The following PTPRK variants were observed in gnomAD, a reference collection of about 807,000 sequenced individuals.
PTPRK encodes receptor-type tyrosine-protein phosphatase kappa.
A neutral mutation model predicts 178.0 loss-of-function variants in PTPRK; 75 were observed. The observed-to-expected ratio is 0.42, with a 90% CI of 0.35 to 0.51. The LOEUF (loss-of-function observed/expected upper bound fraction) is 0.51. Among genes scored for constraint, PTPRK ranks in the 20% least tolerant of loss-of-function variants. The probability of loss-of-function intolerance (pLI) is 0.02; values close to 1 mark genes in which losing one functional copy is unlikely to be tolerated. For synonymous variants in PTPRK, 637 were observed against 620.6 expected, an observed-to-expected ratio of 1.03 and a Z score of -0.39; for missense variants, 1,441 against 1,797.8, an observed-to-expected ratio of 0.80 and a Z score of 3.59.
Position 128,079,734 on chromosome 6 carries a change from G to A in PTPRK, c.1778-816C>T, listed in dbSNP as rs150501029. ...GAAATGCTATGAATATAAAGACAAAGCATGGTCTCTGATATTTAGAATTAA... is the reference window on the plus strand; with the variant it reads ...GAAATGCTATGAATATAAAGACAAAACATGGTCTCTGATATTTAGAATTAA... On this transcript the variant is annotated intron_variant, in intron 10 of 29. Coordinates refer to ENST00000368226, the MANE Select transcript of PTPRK (RefSeq NM_002844.4). Among the ~76,000 whole-genome samples the A allele has an allele frequency of 7.9e-5, 12 of 152,060 alleles. No homozygotes were observed. The East Asian group carries it at 2.3e-3, about 29-fold the overall frequency.
chr6:128,407,385 C>G (rs1380274557), intron 1 of PTPRK, among the ~76,000 whole-genome samples: 2 of 151,784 alleles, frequency 1.3e-5, no homozygotes, highest in East Asian at 3.9e-4. Context: ...ACCAGTAATC[C>G]CAGCACTTTG....
At chr6:128,169,313 T>A (rs1010372212) in intron 7 of PTPRK, among the ~76,000 whole-genome samples, 3 of 152,046 alleles carry the variant, frequency 2.0e-5, no homozygotes, top group Non-Finnish European at 4.4e-5. Flanking sequence ...AAACACATTG[T>A]ATATTTTAAC....
At chr6:128,028,859 T>A (rs1362621935) in intron 13 of PTPRK, among the ~76,000 whole-genome samples, 1 of 152,220 alleles carries the variant, frequency 6.6e-6, no homozygotes, top group Non-Finnish European at 1.5e-5. Flanking sequence ...AAGGTTAGGA[T>A]GTTAAACGGA....
chr6:128,173,489 G>C (rs1236767914), intron 7 of PTPRK, among the ~76,000 whole-genome samples: 4 of 151,928 alleles, frequency 2.6e-5, no homozygotes, highest in African/African-American at 2.4e-5. Context: ...GAATTAAATG[G>C]TGATGACACT....
At chr6:127,991,807 T>C (rs574041575) in intron 19 of PTPRK, among the ~76,000 whole-genome samples, 2 of 151,838 alleles carry the variant, frequency 1.3e-5, no homozygotes, top group South Asian at 4.1e-4. Flanking sequence ...AATAAAAACA[T>C]ATCCTTACAC....
chr6:128,262,752 T>C (rs1818355814), intron 3 of PTPRK, among the ~76,000 whole-genome samples: 1 of 151,868 alleles, frequency 6.6e-6, no homozygotes, highest in Admixed American at 6.6e-5. Context: ...GTGAAATAAA[T>C]TTTGTAAATG....
At chr6:128,006,787 A>C (rs1188997991) in intron 14 of PTPRK, among the ~76,000 whole-genome samples, 1 of 151,032 alleles carries the variant, frequency 6.6e-6, no homozygotes, top group Non-Finnish European at 1.5e-5. Flanking sequence ...TTAAATTAAA[A>C]AATGACATTG....
rs35289749 is a variant in PTPRK, at chr6:128,447,628, C to CT, written c.101-49941dup. On this transcript the variant is annotated intron_variant, in intron 1 of 29. Transcript: ENST00000368226. ...TGAGTGTGCAGATTCAAAACCGTGCCTTTTTTTTTTTTTTTAGATGGAGTC... is the reference window on the plus strand; with the variant it reads ...TGAGTGTGCAGATTCAAAACCGTGCCTTTTTTTTTTTTTTTTAGATGGAGTC... 3.0e-3 allele frequency among the ~76,000 whole-genome samples: 414 copies of CT among 138,532 alleles called. 1 individual carries two copies. The highest frequency in any genetic ancestry group is 0.011 in the Middle Eastern group (3 of 268). 90.9% of individuals were successfully genotyped at this position (138,532 alleles called of 152,430 possible).
intron 1 of PTPRK, among the ~76,000 whole-genome samples, chr6:128,482,958 T>C (rs1045071588): frequency 1.3e-5 from 2 of 152,128 alleles, no homozygotes; most frequent in South Asian, 2.1e-4. Flanking sequence ...TGCACCAACA[T>C]TGTCCTTTTT....
intron 29 of PTPRK, 81 bp from the exon 30 acceptor site, chr6:127,970,361 A>C: frequency 5.3e-6 from 6 of 1,129,924 alleles, no homozygotes; most frequent in Non-Finnish European, 7.8e-6. Context: ...ATGAAACTTG[A>C]CAACCAATTT....
chr6:128,001,957 C>T (rs546504571), intron 15 of PTPRK, among the ~76,000 whole-genome samples: 1 of 151,750 alleles, frequency 6.6e-6, no homozygotes, highest in African/African-American at 2.4e-5. Flanking sequence ...CTTAATGATC[C>T]CCAGTGATCA....
At chr6:128,307,243 G>GA (rs1169151821) in intron 3 of PTPRK, among the ~76,000 whole-genome samples, 3 of 142,300 alleles carry the variant, frequency 2.1e-5, no homozygotes, top group Non-Finnish European at 4.7e-5. Context: ...GAGAAACAAA[G>GA]AAAAAAACAC....
At chr6:128,473,522 T>G (rs1850997773) in intron 1 of PTPRK, among the ~76,000 whole-genome samples, 1 of 151,154 alleles carries the variant, frequency 6.6e-6, no homozygotes, top group Non-Finnish European at 1.5e-5. Context: ...CAATTTAGTA[T>G]CCAATGATTA....
chr6:128,220,731 A>T (rs561670905), intron 5 of PTPRK, among the ~76,000 whole-genome samples: 8 of 152,246 alleles, frequency 5.3e-5, no homozygotes, highest in Non-Finnish European at 1.2e-4. Context: ...GTGATTGTGA[A>T]ATATGGAAAA....
intron 13 of PTPRK, among the ~76,000 whole-genome samples, chr6:128,064,553 T>G (rs1781419521): frequency 6.6e-6 from 1 of 152,170 alleles, no homozygotes; most frequent in Non-Finnish European, 1.5e-5. Flanking sequence ...TTCTAGATCT[T>G]TCCTGTTATC....
chr6:128,314,768 G>T (rs955415298), intron 3 of PTPRK, among the ~76,000 whole-genome samples: 8 of 151,616 alleles, frequency 5.3e-5, no homozygotes, highest in African/African-American at 1.7e-4. Flanking sequence ...ATTAAACACA[G>T]GTCAAATGAG....
intron 1 of PTPRK, among the ~76,000 whole-genome samples, chr6:128,426,881 A>T (rs1214730610): frequency 2.6e-5 from 4 of 152,176 alleles, no homozygotes; most frequent in Non-Finnish European, 1.5e-5. Context: ...AACTGGTAAG[A>T]CTTAAGATTT....
At chr6:128,020,287 A>C (rs185919106) in intron 13 of PTPRK, among the ~76,000 whole-genome samples, 1 of 152,304 alleles carries the variant, frequency 6.6e-6, no homozygotes, top group Admixed American at 6.5e-5. Context: ...AAGAGAAAGA[A>C]GTACAAACAA....
At chr6:128,272,150 G>A (rs1819923293) in intron 3 of PTPRK, among the ~76,000 whole-genome samples, 1 of 152,076 alleles carries the variant, frequency 6.6e-6, no homozygotes, top group South Asian at 2.1e-4. Context: ...AAACTGGCTA[G>A]CCATATGGAG....
Sources: gnomAD v4.1 joint callset for allele counts (sites outside exome capture counted in the v4.1 genomes callset) on GRCh38, gnomAD v4.1.1 for gene constraint, MANE v1.5 for transcripts, NCBI Gene and HGNC (gene_info 2026-07-23, HGNC 2026-07-21) for gene names.